Variants in CSMD1 observed in about 807,000 individuals in gnomAD.
The protein encoded by CSMD1 is CUB and Sushi multiple domains 1.
In CSMD1, 213 loss-of-function variants were observed where a neutral mutation model predicts 417.5. The ratio of observed to expected loss-of-function variants is 0.51; its 90% CI spans 0.46 to 0.57. The LOEUF is 0.57. CSMD1 is among the 20% of genes least tolerant of loss of function. The pLI is 0.00. For synonymous variants in CSMD1, 2,862 were observed against 1,736.8 expected, an observed-to-expected ratio of 1.65 and a Z score of -16.11; for missense variants, 6,923 against 4,529.7, an observed-to-expected ratio of 1.53 and a Z score of -15.17.
chr8:3,719,050 A>G (rs1023368694), intron 6 of CSMD1, among the ~76,000 whole-genome samples: 1 of 152,164 alleles, frequency 6.6e-6, no homozygotes, highest in Non-Finnish European at 1.5e-5. Context: ...ACGTATTGAG[A>G]TGTAGAAAAC....
intron 5 of CSMD1, among the ~76,000 whole-genome samples, chr8:3,900,485 G>C (rs1807670922): frequency 1.3e-5 from 2 of 152,058 alleles, no homozygotes; most frequent in African/African-American, 4.8e-5. Context: ...GTACCTGGTT[G>C]ACAGTGTAGC....
intron 5 of CSMD1, among the ~76,000 whole-genome samples, chr8:3,866,332 T>C (rs970555047): frequency 6.6e-6 from 1 of 152,224 alleles, no homozygotes; most frequent in African/African-American, 2.4e-5. Flanking sequence ...ACCCTGGGGA[T>C]TGGCATTTCT....
At chr8:3,230,808 G>A (rs1798791186) in intron 26 of CSMD1, among the ~76,000 whole-genome samples, 2 of 151,914 alleles carry the variant, frequency 1.3e-5, no homozygotes, top group African/African-American at 4.8e-5. Flanking sequence ...ATTCCAAGTT[G>A]GACAATATAT....
At chr8:3,528,427 G>A (rs1381417846) in intron 10 of CSMD1, among the ~76,000 whole-genome samples, 4 of 152,184 alleles carry the variant, frequency 2.6e-5, no homozygotes, top group Middle Eastern at 3.2e-3. Context: ...GGCTCTGTAT[G>A]CAAGTCTAGC....
chr8:4,974,440 C>T lies in CSMD1; in HGVS notation c.85+19892G>A, dbSNP rs75464400. 4.6e-5 allele frequency among the ~76,000 whole-genome samples: 7 copies of T among 152,142 alleles called. No homozygotes were observed. The East Asian group carries it at 1.4e-3, about 29-fold the overall frequency. The stretch of plus-strand genomic sequence containing the variant: ...AGTTGAGATATATTTAAATTTTTGA[C>T]AGAATTTTAGCAGACACAGGCTATA... On this transcript the variant is annotated intron_variant, in intron 1 of 69. Coordinates refer to ENST00000635120, the MANE Select transcript of CSMD1 (RefSeq NM_033225.6).
At chr8:4,358,904 T>G (rs1318459675) in intron 3 of CSMD1, among the ~76,000 whole-genome samples, 2 of 152,046 alleles carry the variant, frequency 1.3e-5, no homozygotes, top group African/African-American at 4.8e-5. Context: ...TACAGGACAG[T>G]GAACCTTTAT....
chr8:4,622,856 A>C (rs1319171465), intron 2 of CSMD1, among the ~76,000 whole-genome samples: 1 of 152,170 alleles, frequency 6.6e-6, no homozygotes, highest in Non-Finnish European at 1.5e-5. Context: ...TTGCCTCCAT[A>C]AAAATTTCTC....
chr8:4,230,002 T>C (rs1801614401), intron 3 of CSMD1, among the ~76,000 whole-genome samples: 1 of 152,200 alleles, frequency 6.6e-6, no homozygotes, highest in African/African-American at 2.4e-5. Context: ...CTGTAATAAA[T>C]GCATATGATT....
At chr8:3,159,289 A>C (rs1755854578) in intron 38 of CSMD1, among the ~76,000 whole-genome samples, 1 of 152,192 alleles carries the variant, frequency 6.6e-6, no homozygotes, top group African/African-American at 2.4e-5. Flanking sequence ...GATTCTAGCT[A>C]CAAGTTTTCT....
intron 68 of CSMD1, among the ~76,000 whole-genome samples, chr8:2,949,072 T>C (rs1802442533): frequency 6.6e-6 from 1 of 152,054 alleles, no homozygotes; most frequent in African/African-American, 2.4e-5. Context: ...GCTCTTGATA[T>C]AGTGAAGATA....
At chr8:4,962,395 G>C (rs1427157274) in intron 1 of CSMD1, among the ~76,000 whole-genome samples, 3 of 151,934 alleles carry the variant, frequency 2.0e-5, no homozygotes, top group Admixed American at 2.0e-4. Context: ...ATTTTGTGTA[G>C]AGACAGGGTC....
In CSMD1 at chr8:4,785,979, T is replaced by C. The variant is rs140326011; in HGVS notation, c.86-148421A>G. On this transcript the variant is annotated intron_variant, in intron 1 of 69. Transcript: ENST00000635120. ...ACAATTATAGGAAAGACATCCTGCA[T>C]GGTAGCCAGGTTAGTGCAGCTTACC... 2.0e-3 allele frequency among the ~76,000 whole-genome samples: 306 copies of C among 152,326 alleles called. 1 individual carries two copies. Among genetic ancestry groups the C allele is most frequent in the Non-Finnish European group, 3.4e-3 (231 of 68,016 alleles).
intron 23 of CSMD1, among the ~76,000 whole-genome samples, chr8:3,328,384 G>T (rs752676918): frequency 6.6e-6 from 1 of 152,152 alleles, no homozygotes; most frequent in Admixed American, 6.5e-5. Context: ...GACTTTTACA[G>T]TTTATCCACC....
At chr8:3,958,891 G>C (rs951376286) in intron 5 of CSMD1, among the ~76,000 whole-genome samples, 1 of 152,204 alleles carries the variant, frequency 6.6e-6, no homozygotes, top group African/African-American at 2.4e-5. Context: ...CAGATATTCA[G>C]TGAACGTGAC....
At chr8:4,025,957 C>G (rs1235146079) in intron 4 of CSMD1, among the ~76,000 whole-genome samples, 2 of 151,202 alleles carry the variant, frequency 1.3e-5, no homozygotes, top group African/African-American at 2.4e-5. Context: ...CTTTTATAAC[C>G]CTGGCAAAAG....
At position 3,284,151 on chromosome 8, in the gene CSMD1, C is replaced by A. The variant is rs1330019991; in HGVS notation, c.4146G>T (p.Gln1382His). ...GCACGCTGTGCCACCTACTGGAGAA[C>A]TGGATGGAGAAGCCAGACTTGCTGA... ...FFISKSGFSI[Q>H]FSTSIAATCN... The change falls in exon 26 of 70, where the codon CAG (glutamine) becomes CAT (histidine). Residue 1382 changes from glutamine to histidine, a missense_variant. Coordinates refer to ENST00000635120, the MANE Select transcript of CSMD1 (RefSeq NM_033225.6). 6 of 1,563,332 alleles carry A rather than the reference C, an allele frequency of 3.8e-6. No homozygotes were observed. Among genetic ancestry groups the A allele is most frequent in the African/African-American group, 1.4e-5 (1 of 73,720 alleles).
intron 51 of CSMD1, among the ~76,000 whole-genome samples, chr8:3,027,060 C>T (rs682133): frequency 0.17 from 25,965 of 151,966 alleles, 2,308 homozygotes; most frequent in East Asian, 0.25. Context: ...CAAACCTATG[C>T]TCCAAAAAGA....
At chr8:4,054,749 T>A (rs1360529844) in intron 3 of CSMD1, among the ~76,000 whole-genome samples, 1 of 152,264 alleles carries the variant, frequency 6.6e-6, no homozygotes, top group East Asian at 1.9e-4. Flanking sequence ...TGATGTGTCA[T>A]TCTCTGGGGG....
At chr8:4,535,791 G>C (rs1797074493) in intron 2 of CSMD1, among the ~76,000 whole-genome samples, 2 of 152,112 alleles carry the variant, frequency 1.3e-5, no homozygotes, top group Admixed American at 1.3e-4. Context: ...TTTCAGTGGA[G>C]CTATAAAAAT....
Sources: gnomAD v4.1 joint callset for allele counts (sites outside exome capture counted in the v4.1 genomes callset) on GRCh38, gnomAD v4.1.1 for gene constraint, MANE v1.5 for transcripts, NCBI Gene and HGNC (gene_info 2026-07-23, HGNC 2026-07-21) for gene names.